Variants in GRIK2 observed in about 807,000 individuals in gnomAD.
The protein encoded by GRIK2 is glutamate receptor ionotropic, kainate 2.
Under a neutral mutation model 100.3 loss-of-function variants are expected in GRIK2, and 32 were observed. The ratio of observed to expected loss-of-function variants is 0.32; its 90% confidence interval spans 0.24 to 0.43. GRIK2 has a LOEUF of 0.43. GRIK2 is among the 20% of genes least tolerant of loss of function. GRIK2 has a pLI of 1.00. For missense variants in GRIK2, 843 were observed against 1,114.9 expected (o/e 0.76, Z 3.47); for synonymous variants, 417 against 389.4 (o/e 1.07, Z -0.83).
intron 2 of GRIK2, among the ~76,000 whole-genome samples, chr6:101,413,070 T>G (rs1416190295): frequency 2.0e-5 from 3 of 152,074 alleles, no homozygotes. Flanking sequence ...GGATAGAATT[T>G]TACCTATTTC....
intron 12 of GRIK2, among the ~76,000 whole-genome samples, chr6:101,905,416 T>A (rs1026705401): frequency 6.6e-6 from 1 of 151,638 alleles, no homozygotes; most frequent in Non-Finnish European, 1.5e-5. Flanking sequence ...ATAAAATATG[T>A]CGTTAGACAA....
At chr6:101,839,584 T>C (rs1455645718) in intron 10 of GRIK2, among the ~76,000 whole-genome samples, 3 of 152,196 alleles carry the variant, frequency 2.0e-5, no homozygotes, top group African/African-American at 7.2e-5. Context: ...GTTGGGGGTT[T>C]TAAAGATCCC....
intron 10 of GRIK2, among the ~76,000 whole-genome samples, chr6:101,825,607 AGC>A (rs1782270096): frequency 1.6e-5 from 2 of 127,102 alleles, no homozygotes; most frequent in African/African-American, 7.7e-5. Context: ...AAGACTTATA[AGC>A]AGTTTTGCCT....
intron 2 of GRIK2, among the ~76,000 whole-genome samples, chr6:101,456,335 A>G (rs899874527): frequency 7.9e-5 from 12 of 152,072 alleles, no homozygotes; most frequent in Non-Finnish European, 1.5e-4. Flanking sequence ...TTTGAGGAGG[A>G]ATATTTTCCT....
At chr6:101,666,800 A>C (rs1462045391) in intron 4 of GRIK2, among the ~76,000 whole-genome samples, 1 of 152,202 alleles carries the variant, frequency 6.6e-6, no homozygotes. Flanking sequence ...ATTTTGATAA[A>C]GATACCCCTT....
At chr6:101,517,985 A>G (rs1044092316) in intron 2 of GRIK2, among the ~76,000 whole-genome samples, 3 of 152,036 alleles carry the variant, frequency 2.0e-5, no homozygotes, top group Non-Finnish European at 2.9e-5. Flanking sequence ...GTTAACCACC[A>G]TACCATTATG....
At chr6:101,667,931 A>G (rs962248708) in intron 4 of GRIK2, among the ~76,000 whole-genome samples, 1 of 152,146 alleles carries the variant, frequency 6.6e-6, no homozygotes, top group African/African-American at 2.4e-5. Context: ...ACAAATAATC[A>G]ATTATCCCTG....
chr6:101,514,672 G>C (rs1774493183), intron 2 of GRIK2, among the ~76,000 whole-genome samples: 1 of 151,966 alleles, frequency 6.6e-6, no homozygotes, highest in South Asian at 2.1e-4. Flanking sequence ...AAGAGTGAAA[G>C]TGGAATAGAA....
At chr6:102,006,384 ATATATATT>A (rs1293123775) in intron 14 of GRIK2, among the ~76,000 whole-genome samples, 17 of 111,752 alleles carry the variant, frequency 1.5e-4, no homozygotes, top group African/African-American at 9.8e-4. Context: ...ATATATATAT[ATATATATT>A]TTTTTTTTTT....
At chr6:101,858,593 G>A (rs1349750151) in intron 10 of GRIK2, among the ~76,000 whole-genome samples, 2 of 151,866 alleles carry the variant, frequency 1.3e-5, no homozygotes, top group Admixed American at 1.3e-4. Context: ...GTTTCACCGT[G>A]TTAGCCAGGA....
intron 7 of GRIK2, among the ~76,000 whole-genome samples, chr6:101,794,054 C>T (rs1023311651): frequency 1.7e-4 from 26 of 152,184 alleles, no homozygotes; most frequent in Non-Finnish European, 3.8e-4. Context: ...ATTTCCTAAG[C>T]CCGTCAGAAA....
intron 2 of GRIK2, among the ~76,000 whole-genome samples, chr6:101,407,699 A>G (rs1002994562): frequency 5.9e-5 from 9 of 152,086 alleles, no homozygotes; most frequent in Non-Finnish European, 5.9e-5. Flanking sequence ...TCATTCAACA[A>G]TATTAAAGTG....
chr6:101,415,172 T>G (rs1776073411), intron 2 of GRIK2, among the ~76,000 whole-genome samples: 1 of 152,070 alleles, frequency 6.6e-6, no homozygotes, highest in South Asian at 2.1e-4. Context: ...ATATTTTGGT[T>G]GATTTAAAAC....
intron 4 of GRIK2, 74 bp from the exon 5 acceptor site, chr6:101,676,549 G>A (rs1770854867): frequency 1.2e-6 from 1 of 829,386 alleles, no homozygotes; most frequent in Non-Finnish European, 1.9e-6. Context: ...ATTCTAATGA[G>A]TGTTTTCTGA....
chr6:102,049,176 A>G (rs970479702), intron 15 of GRIK2, among the ~76,000 whole-genome samples: 1 of 152,134 alleles, frequency 6.6e-6, no homozygotes, highest in Admixed American at 6.6e-5. Flanking sequence ...CTTATGAAGC[A>G]TATGGAGCAA....
At chr6:101,897,117 G>A (rs1787520674) in intron 12 of GRIK2, among the ~76,000 whole-genome samples, 1 of 151,466 alleles carries the variant, frequency 6.6e-6, no homozygotes, top group African/African-American at 2.4e-5. Flanking sequence ...GAGTGTAGTG[G>A]GTTCTTTGGC....
At position 101,928,558 on chromosome 6, in the gene GRIK2, G is replaced by T; in HGVS notation, c.2011G>T (p.Ala671Ser). 6.2e-7 allele frequency: 1 copy of T among 1,607,294 alleles called. No individual in the cohort carries two copies. The highest frequency in any genetic ancestry group is 8.5e-7 in the Non-Finnish European group (1 of 1,173,858). ...VERMESPIDS[A>S]DDLAKQTKIE... ...ACGCATGGAATCCCCTATTGACTCT[G>T]CTGATGATTTAGCTAAACAAACCAA... The change falls in exon 14 of 17, where the codon GCT becomes TCT. Residue 671 changes from alanine (A) to serine (S), a missense_variant. Ala to Ser is a moderately conservative substitution (Grantham distance 99). This residue lies in a region of GRIK2 where 237 missense variants were observed against 388.0 expected (regional missense o/e 0.61). Coordinates refer to ENST00000369134, the MANE Select transcript of GRIK2 (RefSeq NM_021956.5).
At chr6:102,041,002 G>GAATT (rs1469850287) in intron 15 of GRIK2, among the ~76,000 whole-genome samples, 1 of 151,544 alleles carries the variant, frequency 6.6e-6, no homozygotes, top group East Asian at 1.9e-4. Flanking sequence ...TTCAGAGACT[G>GAATT]AATTAACAAA....
chr6:101,517,766 G>A (rs902565937), intron 2 of GRIK2, among the ~76,000 whole-genome samples: 1 of 152,082 alleles, frequency 6.6e-6, no homozygotes. Flanking sequence ...TTCTACAGTG[G>A]TGTGCAACAA....
Sources: gnomAD v4.1 joint callset for allele counts (sites outside exome capture counted in the v4.1 genomes callset) on GRCh38, gnomAD v4.1.1 for gene constraint, gnomAD v4.1.1 regional missense constraint, MANE v1.5 for transcripts, NCBI Gene and HGNC (gene_info 2026-07-23, HGNC 2026-07-21) for gene names.